The following KAT2B variants were observed in gnomAD, a reference collection of about 807,000 sequenced individuals.
KAT2B encodes lysine acetyltransferase 2B.
Under a neutral mutation model 105.9 loss-of-function variants are expected in KAT2B, and 36 were observed. The ratio of observed to expected loss-of-function variants is 0.34; its 90% CI spans 0.26 to 0.45. The LOEUF is 0.45. KAT2B is among the 20% of genes least tolerant of loss of function. KAT2B has a pLI of 1.00. For synonymous variants in KAT2B, 397 were observed against 377.9 expected, an observed-to-expected ratio of 1.05 and a Z score of -0.59; for missense variants, 820 against 1,021.6, an observed-to-expected ratio of 0.80 and a Z score of 2.69.
chr3:20,095,339 A>T lies in KAT2B; in HGVS notation c.507A>T (p.Glu169Asp). The T allele has an allele frequency of 6.2e-7, 1 of 1,601,952 alleles. No homozygotes were observed. The highest frequency in any genetic ancestry group is 8.6e-7 in the Non-Finnish European group (1 of 1,169,014). ...TCCTGGGAATAGTATTGGATGTGGAATATCTCTTTACCTGTGTCCACAAGG... is the reference window on the plus strand; with the variant it reads ...TCCTGGGAATAGTATTGGATGTGGATTATCTCTTTACCTGTGTCCACAAGG... Reference protein sequence around the residue: ...NRLLGIVLDVEYLFTCVHKEE... With the variant: ...NRLLGIVLDVDYLFTCVHKEE... The change falls in exon 3 of 18, where the codon GAA becomes GAT. Residue 169 changes from glutamate to aspartate, a missense_variant. Glu to Asp is a conservative substitution (Grantham distance 45, BLOSUM62 2). This residue lies in a region of KAT2B where 173 missense variants were observed against 249.5 expected (regional missense o/e 0.69). Coordinates refer to ENST00000263754, the MANE Select transcript of KAT2B (RefSeq NM_003884.5).
At chr3:20,130,122 C>CGTGA (rs1164937497) in intron 11 of KAT2B, among the ~76,000 whole-genome samples, 1 of 152,130 alleles carries the variant, frequency 6.6e-6, no homozygotes, top group African/African-American at 2.4e-5. Flanking sequence ...GGATTACAGG[C>CGTGA]GTGAGCCACC....
intron 11 of KAT2B, 113 bp downstream of exon 11, chr3:20,127,662 A>T: frequency 1.9e-6 from 2 of 1,025,820 alleles, no homozygotes; most frequent in South Asian, 3.3e-5. Context: ...TTCAAAGTGG[A>T]GTTAAGGACT....
At chr3:20,113,162 T>C (rs1161881559) in intron 6 of KAT2B, among the ~76,000 whole-genome samples, 1 of 152,212 alleles carries the variant, frequency 6.6e-6, no homozygotes, top group Non-Finnish European at 1.5e-5. Context: ...GCTCCCAAAA[T>C]GGGTTATGAA....
chr3:20,088,943 C>T (rs370027230), intron 2 of KAT2B, among the ~76,000 whole-genome samples: 38 of 152,238 alleles, frequency 2.5e-4, no homozygotes, highest in African/African-American at 8.4e-4. Context: ...GGTCTAATTT[C>T]ATTCTTTTGC....
intron 6 of KAT2B, among the ~76,000 whole-genome samples, chr3:20,112,191 T>G (rs1467269956): frequency 2.0e-5 from 3 of 151,620 alleles, no homozygotes; most frequent in Non-Finnish European, 2.9e-5. Flanking sequence ...CCGTTCAATT[T>G]CTCCAACTTT....
At chr3:20,047,606 C>CT (rs35457765) in intron 1 of KAT2B, among the ~76,000 whole-genome samples, 32,305 of 117,580 alleles carry the variant, frequency 0.27, 5,259 homozygotes, top group East Asian at 0.36. Context: ...CCGTGAGTAC[C>CT]TTTTTTTTTT....
At chr3:20,088,420 T>C (rs1559308565) in intron 2 of KAT2B, among the ~76,000 whole-genome samples, 1 of 152,190 alleles carries the variant, frequency 6.6e-6, no homozygotes, top group Admixed American at 6.5e-5. Flanking sequence ...CCAACACTCA[T>C]CTTTCATCTT....
intron 5 of KAT2B, among the ~76,000 whole-genome samples, chr3:20,108,409 C>A (rs998252421): frequency 5.3e-5 from 8 of 152,116 alleles, no homozygotes; most frequent in Non-Finnish European, 1.0e-4. Flanking sequence ...AATCTTTAAA[C>A]CTTTCATTGC....
chr3:20,082,372 T>C (rs1484411081), intron 2 of KAT2B, among the ~76,000 whole-genome samples: 1 of 152,158 alleles, frequency 6.6e-6, no homozygotes, highest in African/African-American at 2.4e-5. Flanking sequence ...AATTACCAAC[T>C]TTAGTAAATT....
chr3:20,044,384 T>C (rs1378347059), intron 1 of KAT2B, among the ~76,000 whole-genome samples: 3 of 151,530 alleles, frequency 2.0e-5, no homozygotes, highest in African/African-American at 7.3e-5. Context: ...ACCGCTGTAC[T>C]CCAGCCTGGG....
intron 2 of KAT2B, among the ~76,000 whole-genome samples, chr3:20,082,730 T>C (rs1175348783): frequency 6.6e-6 from 1 of 152,202 alleles, no homozygotes; most frequent in Non-Finnish European, 1.5e-5. Flanking sequence ...TAGATATGGC[T>C]TTCTAAAAAG....
At chr3:20,062,408 ATATTATATAT>A (rs1698151948) in intron 1 of KAT2B, among the ~76,000 whole-genome samples, 1 of 101,790 alleles carries the variant, frequency 9.8e-6, no homozygotes, top group Non-Finnish European at 1.9e-5. Context: ...TATATATTAT[ATATTATATAT>A]TATTATATAT....
chr3:20,043,180 A>G (rs1266456632), intron 1 of KAT2B, among the ~76,000 whole-genome samples: 1 of 152,166 alleles, frequency 6.6e-6, no homozygotes, highest in Non-Finnish European at 1.5e-5. Context: ...CTGAGATTAT[A>G]GGCATGGGCC....
chr3:20,123,694 C>T (rs1699351755), intron 9 of KAT2B, among the ~76,000 whole-genome samples: 1 of 152,164 alleles, frequency 6.6e-6, no homozygotes, highest in Non-Finnish European at 1.5e-5. Context: ...ATTCTTATCT[C>T]TTCATTTGTT....
At chr3:20,104,481 A>T (rs1575135708) in intron 5 of KAT2B, among the ~76,000 whole-genome samples, 1 of 152,266 alleles carries the variant, frequency 6.6e-6, no homozygotes, top group South Asian at 2.1e-4. Flanking sequence ...CCACATGGGG[A>T]ATTAAAAAAA....
Position 20,066,847 on chromosome 3 carries a change from A to G in KAT2B, c.304-5486A>G, listed in dbSNP as rs1698231132. On this transcript the variant is annotated intron_variant, in intron 1 of 17. Coordinates refer to ENST00000263754, the MANE Select transcript of KAT2B (RefSeq NM_003884.5). ...AATATTATTATAATATGTAATCAAT[A>G]TAAAATAATTCTTAATGTGATATTT... Among the ~76,000 whole-genome samples the G allele has an allele frequency of 3.3e-5, 5 of 152,202 alleles. No homozygotes were observed. In the South Asian group the frequency reaches 1.0e-3, roughly 32 times the overall value.
intron 1 of KAT2B, among the ~76,000 whole-genome samples, chr3:20,061,657 A>G (rs1358611249): frequency 6.6e-6 from 1 of 151,348 alleles, no homozygotes; most frequent in Non-Finnish European, 1.5e-5. Context: ...TTTCTTTTGT[A>G]GTAGCCATGC....
chr3:20,084,415 T>G (rs951243682), intron 2 of KAT2B, among the ~76,000 whole-genome samples: 1 of 152,208 alleles, frequency 6.6e-6, no homozygotes, highest in Non-Finnish European at 1.5e-5. Context: ...TCTTCTGCTA[T>G]GAAAGTTACT....
chr3:20,148,338 T>G (rs946980106), intron 16 of KAT2B, 32 bp downstream of exon 16: 1 of 1,610,592 alleles, frequency 6.2e-7, no homozygotes, highest in Non-Finnish European at 8.5e-7. Flanking sequence ...CTCATGCAAA[T>G]ATTTTGAAAT....
Sources: allele counts gnomAD v4.1 joint callset (sites outside exome capture counted in the v4.1 genomes callset), GRCh38; gene constraint gnomAD v4.1.1; regional missense constraint gnomAD v4.1.1; transcripts MANE v1.5; gene names NCBI Gene and HGNC (gene_info 2026-07-23, HGNC 2026-07-21).